The following TOR1AIP2 variants were observed in gnomAD, a reference collection of about 807,000 sequenced individuals.
The protein encoded by TOR1AIP2 is torsin-1A-interacting protein 2.
In TOR1AIP2, 20 loss-of-function variants were observed where a neutral mutation model predicts 32.6. That is an observed-to-expected ratio of 0.61 (90% CI 0.43 to 0.89). The LOEUF is 0.89. Among genes scored for constraint, TOR1AIP2 ranks in the 40% least tolerant of loss-of-function variants. The pLI is 0.00. For missense variants in TOR1AIP2, 456 were observed against 553.8 expected (o/e 0.82, Z 1.77); for synonymous variants, 214 against 210.8 (o/e 1.02, Z -0.13).
Position 179,843,807 on chromosome 1 carries a change from T to A in TOR1AIP2, c.*2264A>T, listed in dbSNP as rs185418589. 72 of 113,610 alleles carry A rather than the reference T, an allele frequency of 6.3e-4. No homozygotes were observed. Among genetic ancestry groups the A allele is most frequent in the African/African-American group, 2.1e-3 (56 of 26,738 alleles). 7.0% of individuals were successfully genotyped at this position (113,610 alleles called of 1,614,324 possible). A position where few individuals can be genotyped will look rare whatever the true frequency, so the allele number is the denominator to read the frequency against. On this transcript the variant is annotated 3_prime_UTR_variant, in exon 7 of 7. Transcript: ENST00000609928. ...CAGCACTGCAGCCTGGGAGTCAGAG[T>A]GAGACTCCATCTCAAAAAAAAAAAA...
At chr1:179,861,357 C>G in intron 3 of TOR1AIP2, 1 of 985,374 alleles carries the variant, frequency 1.0e-6, no homozygotes, top group Non-Finnish European at 1.2e-6. Context: ...ACTAGAAAGA[C>G]CTAAGGTGAA....
At chr1:179,860,724 A>AATT in intron 3 of TOR1AIP2, 1 of 985,348 alleles carries the variant, frequency 1.0e-6, no homozygotes, top group Non-Finnish European at 1.2e-6. Context: ...ATAGTATCAG[A>AATT]ATTAGAATAG....
rs570696940 is a variant in TOR1AIP2, at chr1:179,843,275, G to A, written c.*2796C>T. The A allele has an allele frequency of 1.3e-5, 2 of 151,936 alleles. No individual in the cohort carries two copies. Among genetic ancestry groups the A allele is most frequent in the South Asian group, 2.1e-4 (1 of 4,820 alleles). 9.4% of individuals were successfully genotyped at this position (151,936 alleles called of 1,614,324 possible). On this transcript the variant is annotated 3_prime_UTR_variant, in exon 7 of 7. Transcript: ENST00000609928. ...AATCCTAGCACTTTGAAAGACCAAG[G>A]CAGGCGGATCAATTGAGGCCAGGAG...
In TOR1AIP2 at chr1:179,846,313, C is replaced by T; in HGVS notation, c.1171G>A (p.Asp391Asn). 6.2e-7 allele frequency: 1 copy of T among 1,614,204 alleles called. No individual in the cohort carries two copies. Among genetic ancestry groups the T allele is most frequent in the Non-Finnish European group, 8.5e-7 (1 of 1,180,038 alleles). The change falls in exon 7 of 7, where the codon GAT (aspartate) becomes AAT (asparagine). Residue 391 changes from aspartate to asparagine, a missense_variant. By Grantham distance (23) the Asp-to-Asn change is conservative. Coordinates refer to ENST00000609928, the MANE Select transcript of TOR1AIP2 (RefSeq NM_001199260.2). Reference sequence around the variant, plus strand: ...AGAACAGTCAGGACCAGGGCCACATCTTTAAAGGCAGCATTCTCATGATCA... The same window carrying T: ...AGAACAGTCAGGACCAGGGCCACATTTTTAAAGGCAGCATTCTCATGATCA... Reference protein sequence around the residue: ...YCDHENAAFKDVALVLTVLLE... With the variant: ...YCDHENAAFKNVALVLTVLLE...
intron 3 of TOR1AIP2, chr1:179,861,902 C>A (rs1696548935): frequency 4.3e-6 from 4 of 938,018 alleles, no homozygotes; most frequent in African/African-American, 3.6e-5. Context: ...GTCTGACTAT[C>A]TTGCCCAGGC....
intron 3 of TOR1AIP2, chr1:179,864,640 C>G (rs572822426): frequency 1.4e-6 from 2 of 1,455,468 alleles, no homozygotes; most frequent in African/African-American, 2.8e-5. Context: ...ATGTATAGGC[C>G]ACGGAAGCAG....
chr1:179,847,138 T>C (rs563024355), intron 6 of TOR1AIP2, among the ~76,000 whole-genome samples: 18 of 152,364 alleles, frequency 1.2e-4, no homozygotes, highest in African/African-American at 4.3e-4. Flanking sequence ...TAACTAATGA[T>C]GTAATTTAGA....
Position 179,870,502 on chromosome 1 carries a change from T to C in TOR1AIP2, c.-565-4648A>G, listed in dbSNP as rs1204666079. ...GGAATCTGAAATGATTCAGGACCATTAGGCACTATGGTTCCTAACCATTTT... is the reference window on the plus strand; with the variant it reads ...GGAATCTGAAATGATTCAGGACCATCAGGCACTATGGTTCCTAACCATTTT... On this transcript the variant is annotated intron_variant, in intron 2 of 6. Coordinates refer to ENST00000609928, the MANE Select transcript of TOR1AIP2 (RefSeq NM_001199260.2). Among the ~76,000 whole-genome samples the C allele has an allele frequency of 2.6e-5, 4 of 152,194 alleles. No homozygotes were observed. The East Asian group carries it at 7.7e-4, about 29-fold the overall frequency.
intron 2 of TOR1AIP2, among the ~76,000 whole-genome samples, chr1:179,870,536 A>G (rs1696975444): frequency 6.6e-6 from 1 of 152,188 alleles, no homozygotes; most frequent in Non-Finnish European, 1.5e-5. Context: ...TTGCTATCAA[A>G]GGTAACTTTT....
chr1:179,852,049 G>C (rs1696134616), intron 4 of TOR1AIP2, among the ~76,000 whole-genome samples: 1 of 152,192 alleles, frequency 6.6e-6, no homozygotes, highest in South Asian at 2.1e-4. Flanking sequence ...GGGAGGCCAA[G>C]GCAGGTGAAT....
chr1:179,871,572 A>T (rs1697012478), intron 2 of TOR1AIP2, among the ~76,000 whole-genome samples: 1 of 152,200 alleles, frequency 6.6e-6, no homozygotes, highest in African/African-American at 2.4e-5. Flanking sequence ...TTTCAGACTG[A>T]GTCTGGATTG....
At chr1:179,852,067 G>A (rs1223667403) in intron 4 of TOR1AIP2, among the ~76,000 whole-genome samples, 3 of 152,190 alleles carry the variant, frequency 2.0e-5, no homozygotes, top group African/African-American at 7.2e-5. Flanking sequence ...AATCACCTGA[G>A]GTCAGGAGTT....
intron 3 of TOR1AIP2, 79 bp downstream of exon 3, chr1:179,865,356 GT>G: frequency 1.4e-6 from 1 of 739,164 alleles, no homozygotes. Context: ...TCAAGATTTC[GT>G]TGTCTATTTT....
In TOR1AIP2 at chr1:179,841,422, A is replaced by C. The variant is rs1296594227; in HGVS notation, c.*4649T>G. 1 of 152,126 alleles carries C rather than the reference A, an allele frequency of 6.6e-6. No homozygotes were observed. The highest frequency in any genetic ancestry group is 2.4e-5 in the African/African-American group (1 of 41,364). The allele number at this position is 152,126 out of a possible 1,614,324, so 9.4% of individuals were successfully genotyped here. ...AAAGACATACTGGTTTATGTTTACA[A>C]CTATGTTTTATTTTCAAATGGTAAA... On this transcript the variant is annotated 3_prime_UTR_variant, in exon 7 of 7. Transcript: ENST00000609928.
rs1408560529 is a variant in TOR1AIP2, at chr1:179,850,142, GT to G, written c.553+702del. Among the ~76,000 whole-genome samples the G allele has an allele frequency of 1.5e-3, 221 of 152,270 alleles. 1 individual carries two copies. Among genetic ancestry groups the G allele is most frequent in the African/African-American group, 5.2e-3 (217 of 41,534 alleles). On this transcript the variant is annotated intron_variant, in intron 5 of 6. Transcript: ENST00000609928. The stretch of plus-strand genomic sequence containing the variant: ...TAGAAGAATGTTTGGATATCATCTT[GT>G]CCAACTTCTTCATTTTACAAACAGG...
chr1:179,850,893 C>A lies in TOR1AIP2; in HGVS notation c.505G>T (p.Ala169Ser), dbSNP rs767083823. The change falls in exon 5 of 7, where the codon GCA (alanine) becomes TCA (serine). Residue 169 changes from alanine to serine, a missense_variant. Physicochemically the swap from Ala to Ser is moderately conservative, Grantham distance 99 (BLOSUM62 1). Coordinates refer to ENST00000609928, the MANE Select transcript of TOR1AIP2 (RefSeq NM_001199260.2). Reference sequence around the variant, plus strand: ...AGTGTATCCTCACCCTCTTGCCCTGCACTGGAATGACCAGGACTCTGGGCC... The same window carrying A: ...AGTGTATCCTCACCCTCTTGCCCTGAACTGGAATGACCAGGACTCTGGGCC... ...QEAQSPGHSS[A>S]GQEGEDTLRR... The A allele has an allele frequency of 6.2e-7, 1 of 1,614,074 alleles. No individual in the cohort carries two copies. Among genetic ancestry groups the A allele is most frequent in the Non-Finnish European group, 8.5e-7 (1 of 1,180,012 alleles).
chr1:179,849,979 G>A (rs1696055278), intron 5 of TOR1AIP2, among the ~76,000 whole-genome samples: 1 of 152,144 alleles, frequency 6.6e-6, no homozygotes, highest in South Asian at 2.1e-4. Flanking sequence ...TGAATTACTA[G>A]CCCTTGCTGA....
chr1:179,869,445 A>G (rs1696928339), intron 2 of TOR1AIP2, among the ~76,000 whole-genome samples: 3 of 152,228 alleles, frequency 2.0e-5, no homozygotes, highest in Admixed American at 2.0e-4. Context: ...TACCCACTGT[A>G]TCATAAATCC....
intron 3 of TOR1AIP2, among the ~76,000 whole-genome samples, chr1:179,858,681 C>T (rs1571675820): frequency 6.6e-6 from 1 of 152,166 alleles, no homozygotes; most frequent in African/African-American, 2.4e-5. Context: ...TCCACCATAG[C>T]CTCCTAGACA....
Sources: allele counts gnomAD v4.1 joint callset (sites outside exome capture counted in the v4.1 genomes callset), GRCh38; gene constraint gnomAD v4.1.1; transcripts MANE v1.5; gene names NCBI Gene and HGNC (gene_info 2026-07-23, HGNC 2026-07-21).